TBX20: variants seen among roughly 807,000 people sequenced by gnomAD.
TBX20 encodes the protein T-box transcription factor 20.
A neutral mutation model predicts 42.9 loss-of-function variants in TBX20; 8 were observed. That is an observed-to-expected ratio of 0.19 (90% CI 0.11 to 0.34). The LOEUF is 0.34. TBX20 is among the 10% of genes least tolerant of loss of function. TBX20 has a pLI of 1.00. For missense variants in TBX20, 411 were observed against 566.0 expected (o/e 0.73, Z 2.78); for synonymous variants, 198 against 222.8 (o/e 0.89, Z 0.99).
chr7:35,229,053 G>A (rs1474688962), intron 6 of TBX20, among the ~76,000 whole-genome samples: 1 of 152,120 alleles, frequency 6.6e-6, no homozygotes, highest in Non-Finnish European at 1.5e-5. Context: ...GAATTTAGAG[G>A]TACAGGCAAA....
At chr7:35,226,016 T>C (rs1257620061) in intron 6 of TBX20, among the ~76,000 whole-genome samples, 1 of 152,056 alleles carries the variant, frequency 6.6e-6, no homozygotes, top group African/African-American at 2.4e-5. Context: ...GAAAAATAAG[T>C]GGGAAATGAA....
chr7:35,239,935 A>G (rs1790042945), intron 5 of TBX20, among the ~76,000 whole-genome samples: 1 of 151,976 alleles, frequency 6.6e-6, no homozygotes, highest in Non-Finnish European at 1.5e-5. Context: ...TATTTTTAGT[A>G]GAGACGGTTT....
intron 6 of TBX20, among the ~76,000 whole-genome samples, chr7:35,228,000 A>T (rs1789804410): frequency 6.6e-6 from 1 of 152,146 alleles, no homozygotes; most frequent in Non-Finnish European, 1.5e-5. Flanking sequence ...TAAAACCTCC[A>T]TTGCATGATT....
intron 6 of TBX20, among the ~76,000 whole-genome samples, chr7:35,211,535 A>G (rs1432919198): frequency 6.6e-6 from 1 of 152,192 alleles, no homozygotes; most frequent in Non-Finnish European, 1.5e-5. Flanking sequence ...TTTCTCTTTC[A>G]GTACAGATGA....
chr7:35,222,197 T>C (rs1789694936), intron 6 of TBX20, among the ~76,000 whole-genome samples: 1 of 152,186 alleles, frequency 6.6e-6, no homozygotes, highest in Admixed American at 6.5e-5. Flanking sequence ...CTCGAAGCTT[T>C]CATGATCTCA....
At chr7:35,253,375 C>T in intron 1 of TBX20, 119 bp downstream of exon 1, 2 of 1,213,882 alleles carry the variant, frequency 1.6e-6, no homozygotes, top group Non-Finnish European at 2.3e-6. Context: ...ATCTCCCACC[C>T]GCGATGTATG....
At chr7:35,226,218 T>C (rs1297764358) in intron 6 of TBX20, among the ~76,000 whole-genome samples, 1 of 152,046 alleles carries the variant, frequency 6.6e-6, no homozygotes, top group Non-Finnish European at 1.5e-5. Context: ...AAAAGTTTTC[T>C]AGGATAGAAA....
chr7:35,204,010 T>C (rs1789351969), intron 7 of TBX20, among the ~76,000 whole-genome samples: 1 of 152,256 alleles, frequency 6.6e-6, no homozygotes, highest in African/African-American at 2.4e-5. Flanking sequence ...TGTAATATCC[T>C]TCATTAGGAC....
intron 6 of TBX20, among the ~76,000 whole-genome samples, chr7:35,228,764 A>G (rs531641078): frequency 5.5e-4 from 83 of 152,248 alleles, no homozygotes; most frequent in Middle Eastern, 6.8e-3. Context: ...GAAACTAGAC[A>G]TTAGATTATA....
In TBX20 at chr7:35,240,905, C is replaced by A; in HGVS notation, c.787G>T (p.Ala263Ser). The A allele has an allele frequency of 6.2e-7, 1 of 1,613,842 alleles. No individual in the cohort carries two copies. The highest frequency in any genetic ancestry group is 8.5e-7 in the Non-Finnish European group (1 of 1,179,802). ...TFIFPETVFTAVTAYQNQLIT... is the reference protein window; with the variant it reads ...TFIFPETVFTSVTAYQNQLIT... ...AGTTGATTCTGGTAGGCAGTGACTG[C>A]CGTAAAAACTGTTTCTGGAAAGATG... The change falls in exon 5 of 8, where the codon GCA becomes TCA. Residue 263 changes from alanine (A) to serine (S), a missense_variant. Coordinates refer to ENST00000408931, the MANE Select transcript of TBX20 (RefSeq NM_001077653.2).
Position 35,250,038 on chromosome 7 carries a change from G to T in TBX20, c.293C>A (p.Ala98Asp). The T allele has an allele frequency of 6.2e-7, 1 of 1,613,972 alleles. No homozygotes were observed. Among genetic ancestry groups the T allele is most frequent in the Non-Finnish European group, 8.5e-7 (1 of 1,179,924 alleles). ...TTPIIPSEEM[A>D]KIACSLETKE... ...GGTCTCCAGGCTGCAGGCAATTTTGGCCATTTCCTCACTGGGGATGATGGG... is the reference window on the plus strand; with the variant it reads ...GGTCTCCAGGCTGCAGGCAATTTTGTCCATTTCCTCACTGGGGATGATGGG... The change falls in exon 2 of 8, where the codon GCC becomes GAC. Residue 98 changes from alanine to aspartate, a missense_variant. Ala to Asp is a moderately radical substitution (Grantham distance 126). Transcript: ENST00000408931.
At chr7:35,204,401 C>T (rs188102192) in intron 7 of TBX20, 69 bp downstream of exon 7, 41 of 1,035,862 alleles carry the variant, frequency 4.0e-5, no homozygotes, top group South Asian at 3.2e-4. Flanking sequence ...ATCTCATCAA[C>T]GACCTGCCCC....
At chr7:35,239,896 C>T (rs1231675028) in intron 5 of TBX20, among the ~76,000 whole-genome samples, 26 of 151,996 alleles carry the variant, frequency 1.7e-4, no homozygotes, top group African/African-American at 6.0e-4. Context: ...GGACTACAGG[C>T]ACCTGCCACC....
chr7:35,209,702 G>A (rs1404938847), intron 6 of TBX20, among the ~76,000 whole-genome samples: 1 of 151,802 alleles, frequency 6.6e-6, no homozygotes, highest in African/African-American at 2.4e-5. Flanking sequence ...TACTTGCTTT[G>A]GGTCTCATTC....
chr7:35,226,844 T>G (rs1189728025), intron 6 of TBX20, among the ~76,000 whole-genome samples: 1 of 152,076 alleles, frequency 6.6e-6, no homozygotes, highest in African/African-American at 2.4e-5. Context: ...TATTTCACGG[T>G]GTACTCCTTC....
chr7:35,244,124 A>G (rs2128715108), intron 4 of TBX20, among the ~76,000 whole-genome samples: 1 of 152,360 alleles, frequency 6.6e-6, no homozygotes. Flanking sequence ...TATTAAAAGA[A>G]GAAAAAAATT....
At chr7:35,248,487 A>G (rs546742757) in intron 3 of TBX20, among the ~76,000 whole-genome samples, 190 bp downstream of exon 3, 1 of 152,342 alleles carries the variant, frequency 6.6e-6, no homozygotes, top group East Asian at 1.9e-4. Flanking sequence ...TGTTTTCTCT[A>G]TGCACAAACT....
chr7:35,235,711 A>T (rs1351863276), intron 5 of TBX20, among the ~76,000 whole-genome samples: 4 of 152,176 alleles, frequency 2.6e-5, no homozygotes, highest in African/African-American at 7.2e-5. Flanking sequence ...TGCAATTCCT[A>T]ACCAAAATGT....
At chr7:35,210,608 T>C (rs1278994581) in intron 6 of TBX20, among the ~76,000 whole-genome samples, 1 of 152,218 alleles carries the variant, frequency 6.6e-6, no homozygotes, top group Non-Finnish European at 1.5e-5. Context: ...GATGTAGGAC[T>C]GTATATTACC....
Sources: gnomAD v4.1 joint callset for allele counts (sites outside exome capture counted in the v4.1 genomes callset) on GRCh38, gnomAD v4.1.1 for gene constraint, MANE v1.5 for transcripts, NCBI Gene and HGNC (gene_info 2026-07-23, HGNC 2026-07-21) for gene names.